The following NUDT5 variants were observed in gnomAD, a reference collection of about 807,000 sequenced individuals.
NUDT5 encodes the protein ADP-sugar pyrophosphatase.
NUDT5 carries 21 observed loss-of-function variants against 34.1 expected under a neutral mutation model. The ratio of observed to expected loss-of-function variants is 0.62; its 90% CI spans 0.44 to 0.89. The LOEUF (loss-of-function observed/expected upper bound fraction) is 0.89. NUDT5 is among the 40% of genes least tolerant of loss of function. The pLI is 0.00. For synonymous variants in NUDT5, 85 were observed against 97.6 expected, an observed-to-expected ratio of 0.87 and a Z score of 0.76; for missense variants, 249 against 274.8, an observed-to-expected ratio of 0.91 and a Z score of 0.66.
chr10:12,167,585 C>CT lies in NUDT5; in HGVS notation c.*116dup, dbSNP rs1834734037. On this transcript the variant is annotated 3_prime_UTR_variant, in exon 10 of 10. Transcript: ENST00000491614. ...ATACCACCACCACATCTGTTCTGTG[C>CT]TTTTATTTTACGAAAAAGCTAATGG... The CT allele has an allele frequency of 1.0e-6, 1 of 979,030 alleles. No homozygotes were observed. The highest frequency in any genetic ancestry group is 2.3e-5 in the Admixed American group (1 of 44,304). The allele number at this position is 979,030 out of a possible 1,614,324, so 60.6% of individuals were successfully genotyped here.
chr10:12,178,557 G>C (rs185377738), intron 4 of NUDT5, among the ~76,000 whole-genome samples: 159 of 152,282 alleles, frequency 1.0e-3, no homozygotes, highest in African/African-American at 3.7e-3. Flanking sequence ...AATAAGAAAA[G>C]CCTAGTGCCC....
chr10:12,170,261 G>A lies in NUDT5; in HGVS notation c.550+456C>T, dbSNP rs1834827774. The A allele has an allele frequency of 2.1e-6, 3 of 1,428,504 alleles. No homozygotes were observed. In the South Asian group the frequency reaches 3.5e-5, roughly 17 times the overall value. 88.5% of individuals were successfully genotyped at this position (1,428,504 alleles called of 1,614,324 possible). A position where few individuals can be genotyped will look rare whatever the true frequency, so the allele number is the denominator to read the frequency against. Reference sequence around the variant, plus strand: ...TATTATGTGAAAAGCATATCACACGGAGTATACAGGAAATACCTCAAGTAT... The same window carrying A: ...TATTATGTGAAAAGCATATCACACGAAGTATACAGGAAATACCTCAAGTAT... On this transcript the variant is annotated intron_variant, in intron 9 of 9. Coordinates refer to ENST00000491614, the MANE Select transcript of NUDT5 (RefSeq NM_014142.4). The surrounding 1 kb of genome is among the most constrained non-coding windows in gnomAD (Gnocchi z 4.9).
intron 2 of NUDT5, among the ~76,000 whole-genome samples, chr10:12,185,175 G>A (rs1273583147): frequency 1.3e-5 from 2 of 151,876 alleles, no homozygotes; most frequent in Non-Finnish European, 2.9e-5. Flanking sequence ...TTTCTTGGTG[G>A]TAGTAGTTAA....
chr10:12,191,435 A>AC (rs1835229244), intron 1 of NUDT5, among the ~76,000 whole-genome samples: 1 of 151,664 alleles, frequency 6.6e-6, no homozygotes, highest in Non-Finnish European at 1.5e-5. Context: ...AACCACCACC[A>AC]CAAAACTCCC....
chr10:12,184,890 T>C lies in NUDT5; in HGVS notation c.130A>G (p.Arg44Gly). ...TTGTAAGAAAAAAAAAAAGTTTACC[T>C]AGTTTTACCAGTAGGATCCATGTAC... ...TTYMDPTGKT[R>G]TWESVKRTTR... Residue 44 changes from arginine to glycine, a missense_variant and splice_region_variant, in exon 3 of 10, where the codon AGA becomes GGA. Arg to Gly is a moderately radical substitution (Grantham distance 125, BLOSUM62 -2). Transcript: ENST00000491614. 6.4e-7 allele frequency: 1 copy of C among 1,564,716 alleles called. No individual in the cohort carries two copies. Among genetic ancestry groups the C allele is most frequent in the Non-Finnish European group, 8.7e-7 (1 of 1,147,646 alleles).
intron 3 of NUDT5, 41 bp downstream of exon 3, chr10:12,184,848 C>T (rs1237767936): frequency 1.8e-6 from 2 of 1,135,564 alleles, no homozygotes; most frequent in Non-Finnish European, 2.6e-6. Context: ...AACCTGAGAA[C>T]CCAAATAACG....
In NUDT5 at chr10:12,165,546, G is replaced by A. The variant is rs1834650963; in HGVS notation, c.*2156C>T. 5.4e-6 allele frequency: 1 copy of A among 186,376 alleles called. No homozygotes were observed. 11.5% of individuals were successfully genotyped at this position (186,376 alleles called of 1,614,324 possible). Reference sequence around the variant, plus strand: ...GATAGATAGATAGTGACCAACTTAAGGGTAATCATATATGTGACTAACATT... The same window carrying A: ...GATAGATAGATAGTGACCAACTTAAAGGTAATCATATATGTGACTAACATT... On this transcript the variant is annotated 3_prime_UTR_variant, in exon 10 of 10. Transcript: ENST00000491614.
intron 1 of NUDT5, among the ~76,000 whole-genome samples, chr10:12,194,935 G>A (rs1835305927): frequency 6.6e-6 from 1 of 152,304 alleles, no homozygotes; most frequent in Admixed American, 6.5e-5. Context: ...GGCTGAGGCG[G>A]GCAGATCACC....
chr10:12,182,442 C>T lies in NUDT5; in HGVS notation c.131+2447G>A, dbSNP rs977743511. On this transcript the variant is annotated intron_variant, in intron 3 of 9. Coordinates refer to ENST00000491614, the MANE Select transcript of NUDT5 (RefSeq NM_014142.4). The surrounding 1 kb of genome is among the most constrained non-coding windows in gnomAD (Gnocchi z 4.3). ...ATACAGGAAAGTACAAAGACTCATTCTTCAAAGGGTGACATTCTGGTATAA... is the reference window on the plus strand; with the variant it reads ...ATACAGGAAAGTACAAAGACTCATTTTTCAAAGGGTGACATTCTGGTATAA... 1.3e-5 allele frequency among the ~76,000 whole-genome samples: 2 copies of T among 152,186 alleles called. No individual in the cohort carries two copies. Among genetic ancestry groups the T allele is most frequent in the Admixed American group, 1.3e-4 (2 of 15,278 alleles).
rs192302006 is a variant in NUDT5, at chr10:12,189,325, C to T, written c.-41-2993G>A. Among the ~76,000 whole-genome samples the T allele has an allele frequency of 1.3e-5, 2 of 152,240 alleles. 1 individual carries two copies. Among genetic ancestry groups the T allele is most frequent in the African/African-American group, 4.8e-5 (2 of 41,536 alleles). ...TTTGCCATGTTGGGCAGGCTGGCCT[C>T]GAACTCCTGACCTCAGGTGATCCAC... On this transcript the variant is annotated intron_variant, in intron 1 of 9. Transcript: ENST00000491614.
At chr10:12,177,693 G>T in intron 5 of NUDT5, 100 bp downstream of exon 5, 1 of 871,572 alleles carries the variant, frequency 1.1e-6, no homozygotes, top group Non-Finnish European at 1.9e-6. Context: ...AAAACCACAA[G>T]GACAGATTAA....
At chr10:12,174,537 A>G (rs961238997) in intron 5 of NUDT5, among the ~76,000 whole-genome samples, 1 of 152,084 alleles carries the variant, frequency 6.6e-6, no homozygotes, top group Admixed American at 6.6e-5. Flanking sequence ...TCAGCCTCCC[A>G]AAGTGCTGGG....
chr10:12,192,310 A>AAAAG (rs1554804284), intron 1 of NUDT5, among the ~76,000 whole-genome samples: 1 of 152,008 alleles, frequency 6.6e-6, no homozygotes, highest in Non-Finnish European at 1.5e-5. Flanking sequence ...CTCCAAAAAA[A>AAAAG]AAAAGAAAAG....
In NUDT5 at chr10:12,171,734, T is replaced by C. The variant is rs1286750455; in HGVS notation, c.488-826A>G. 2.0e-5 allele frequency among the ~76,000 whole-genome samples: 3 copies of C among 148,208 alleles called. No individual in the cohort carries two copies. Among genetic ancestry groups the C allele is most frequent in the Non-Finnish European group, 4.5e-5 (3 of 66,450 alleles). ...TTATTTATTTATTTATTTATTTATT[T>C]ATTTTTTGGAGACAGGGTCTCAGTC... is the stretch of plus-strand genomic sequence containing the variant. On this transcript the variant is annotated intron_variant, in intron 7 of 9. Coordinates refer to ENST00000491614, the MANE Select transcript of NUDT5 (RefSeq NM_014142.4). This position sits in a 1 kb window ranked among gnomAD's most constrained non-coding sequence, Gnocchi z 4.2.
chr10:12,193,045 A>G (rs2131721474), intron 1 of NUDT5, among the ~76,000 whole-genome samples: 1 of 152,158 alleles, frequency 6.6e-6, no homozygotes, highest in African/African-American at 2.4e-5. Flanking sequence ...ATCATTTAGC[A>G]GGTGGTTTAA....
chr10:12,190,284 C>A (rs1835201034), intron 1 of NUDT5, among the ~76,000 whole-genome samples: 1 of 152,138 alleles, frequency 6.6e-6, no homozygotes, highest in East Asian at 1.9e-4. Flanking sequence ...AGTTTGAACA[C>A]TGAAGGTCTA....
At chr10:12,183,845 G>A (rs1229297773) in intron 3 of NUDT5, among the ~76,000 whole-genome samples, 1 of 152,138 alleles carries the variant, frequency 6.6e-6, no homozygotes, top group Non-Finnish European at 1.5e-5. Flanking sequence ...CAACTTAGGA[G>A]CTTTTCCCAT....
intron 7 of NUDT5, among the ~76,000 whole-genome samples, chr10:12,172,278 G>A (rs540012407): frequency 6.6e-6 from 1 of 151,878 alleles, no homozygotes; most frequent in African/African-American, 2.4e-5. Context: ...AATTACTTAG[G>A]CCATTTTTTT....
rs1167103587 is a variant in NUDT5 at position 12,169,126 on chromosome 10, A to G, written c.551-1315T>C. ...TTCTCAAATGTTGCTGGTTGAATAA[A>G]CGGTTTGATTACTGTATTTTGATTC... is the stretch of plus-strand genomic sequence containing the variant. On this transcript the variant is annotated intron_variant, in intron 9 of 9. Coordinates refer to ENST00000491614, the MANE Select transcript of NUDT5 (RefSeq NM_014142.4). The surrounding 1 kb of genome is among the most constrained non-coding windows in gnomAD (Gnocchi z 4.8). 1.1e-5 allele frequency: 6 copies of G among 566,292 alleles called. No individual in the cohort carries two copies. Among genetic ancestry groups the G allele is most frequent in the African/African-American group, 9.6e-5 (5 of 51,858 alleles). 35.1% of individuals were successfully genotyped at this position (566,292 alleles called of 1,614,324 possible).
Sources: gnomAD v4.1 joint callset for allele counts (sites outside exome capture counted in the v4.1 genomes callset) on GRCh38, gnomAD v4.1.1 for gene constraint, Gnocchi (gnomAD v3.1) non-coding constraint, MANE v1.5 for transcripts, NCBI Gene and HGNC (gene_info 2026-07-23, HGNC 2026-07-21) for gene names.